Variants in TACR2 observed in about 807,000 individuals in gnomAD.
TACR2 encodes substance-K receptor.
TACR2 carries 24 observed loss-of-function variants against 28.9 expected under a neutral mutation model. The observed-to-expected ratio is 0.83, with a 90% confidence interval of 0.60 to 1.17. The LOEUF (loss-of-function observed/expected upper bound fraction) is 1.17. Among genes scored for constraint, TACR2 ranks in the 50% most tolerant of loss-of-function variants. The pLI, the probability that TACR2 is intolerant of heterozygous loss-of-function variation, is 0.00. For synonymous variants in TACR2, 222 were observed against 212.6 expected (o/e 1.04, Z -0.38); for missense variants, 487 against 524.4 (o/e 0.93, Z 0.70).
At position 69,416,577 on chromosome 10, in the gene TACR2, A is replaced by G. The variant is rs201771113; in HGVS notation, c.-254T>C. The G allele has an allele frequency of 1.8e-5, 8 of 437,906 alleles. No individual in the cohort carries two copies. The highest frequency in any genetic ancestry group is 1.2e-3 in the Middle Eastern group (2 of 1,720). 27.1% of individuals were successfully genotyped at this position (437,906 alleles called of 1,614,324 possible). A position where few individuals can be genotyped will look rare whatever the true frequency, so the allele number is the denominator to read the frequency against. Reference sequence around the variant, plus strand: ...CTTCCGGCCAGACTTCTCGAATATCATGTGGAAACACAGAATTCAAATCAC... The same window carrying G: ...CTTCCGGCCAGACTTCTCGAATATCGTGTGGAAACACAGAATTCAAATCAC... On this transcript the variant is annotated 5_prime_UTR_variant, in exon 1 of 5. It removes an upstream start codon present in the reference 5' UTR. Transcript: ENST00000373306.
chr10:69,412,863 C>T (rs1840580680), intron 2 of TACR2, among the ~76,000 whole-genome samples: 1 of 152,180 alleles, frequency 6.6e-6, no homozygotes, highest in Non-Finnish European at 1.5e-5. Context: ...CGGAGTTTCA[C>T]TCTTGTCGCC....
rs757217354 is a variant in TACR2, at chr10:69,407,188, G to A, written c.834C>T (p.Asp278=). Reference sequence around the variant, plus strand: ...GCTGGATGAACTTGTGGCAGTAGATGTCCTCCTGGAAGCTGCCCAGGATGA... The same window carrying A: ...GCTGGATGAACTTGTGGCAGTAGATATCCTCCTGGAAGCTGCCCAGGATGA... ...LYFILGSFQE[D]IYCHKFIQQV... is the part of the protein sequence containing the mutation. The change falls in exon 4 of 5, where the codon GAC becomes GAT. Residue 278 remains aspartate, a synonymous_variant. Coordinates refer to ENST00000373306, the MANE Select transcript of TACR2 (RefSeq NM_001057.3). 1.2e-6 allele frequency: 2 copies of A among 1,614,014 alleles called. No individual in the cohort carries two copies. Among genetic ancestry groups the A allele is most frequent in the South Asian group, 2.2e-5 (2 of 91,072 alleles).
chr10:69,414,793 T>G (rs1840597454), intron 2 of TACR2, 152 bp downstream of exon 2: 1 of 771,446 alleles, frequency 1.3e-6, no homozygotes, highest in Non-Finnish European at 2.0e-6. Flanking sequence ...TATAGGTATA[T>G]TCACACAATC....
At position 69,415,931 on chromosome 10, in the gene TACR2, C is replaced by T. The variant is rs753197125; in HGVS notation, c.392+1G>A. Reference sequence around the variant, plus strand: ...CCCAGCTTCCCCAAGGACCCTCTTGCCTGTCGGCAGCAATGGCGGTCATGG... The same window carrying T: ...CCCAGCTTCCCCAAGGACCCTCTTGTCTGTCGGCAGCAATGGCGGTCATGG... On this transcript the variant is annotated splice_donor_variant, in intron 1 of 4. Transcript: ENST00000373306. LOFTEE classifies it high-confidence loss of function. 8.7e-6 allele frequency: 14 copies of T among 1,611,790 alleles called. No individual in the cohort carries two copies. Among genetic ancestry groups the T allele is most frequent in the Non-Finnish European group, 1.7e-6 (2 of 1,178,072 alleles).
chr10:69,414,381 C>A (rs1840594105), intron 2 of TACR2, among the ~76,000 whole-genome samples: 1 of 152,254 alleles, frequency 6.6e-6, no homozygotes. Flanking sequence ...AACACATCTA[C>A]AAATATGCCC....
intron 2 of TACR2, among the ~76,000 whole-genome samples, chr10:69,412,464 A>T (rs1840577573): frequency 6.6e-6 from 1 of 152,174 alleles, no homozygotes; most frequent in Admixed American, 6.5e-5. Flanking sequence ...CAGAGTGAGG[A>T]TCTACAGGGC....
chr10:69,409,556 A>G (rs1383030621), intron 2 of TACR2, among the ~76,000 whole-genome samples: 2 of 152,016 alleles, frequency 1.3e-5, no homozygotes, highest in African/African-American at 4.8e-5. Context: ...AACCCCTCCC[A>G]ACTGCGGATC....
At chr10:69,408,025 C>T (rs1455004300) in intron 3 of TACR2, among the ~76,000 whole-genome samples, 1 of 152,206 alleles carries the variant, frequency 6.6e-6, no homozygotes, top group African/African-American at 2.4e-5. Context: ...ATGGCTTTGA[C>T]CTGGCTACAT....
Position 69,415,069 on chromosome 10 carries a change from T to C in TACR2, c.463A>G (p.Ile155Val), listed in dbSNP as rs1474772545. ...GCCAGGGCGAGAGCCACCAGCCAGA[T>C]GCCAGCAATAACCGCCTTGGTGCTG... ...APSTKAVIAGIWLVALALASP... is the reference protein window; with the variant it reads ...APSTKAVIAGVWLVALALASP... The change falls in exon 2 of 5, where the codon ATC (isoleucine) becomes GTC (valine). Residue 155 changes from isoleucine (I) to valine (V), a missense_variant. By Grantham distance (29) the Ile-to-Val change is conservative. Coordinates refer to ENST00000373306, the MANE Select transcript of TACR2 (RefSeq NM_001057.3). The C allele has an allele frequency of 6.2e-6, 10 of 1,613,560 alleles. No homozygotes were observed. Among genetic ancestry groups the C allele is most frequent in the Non-Finnish European group, 8.5e-6 (10 of 1,180,000 alleles).
intron 1 of TACR2, 39 bp downstream of exon 1, chr10:69,415,893 T>C: frequency 6.3e-7 from 1 of 1,599,900 alleles, no homozygotes; most frequent in Non-Finnish European, 8.5e-7. Context: ...CCCGGCTCAG[T>C]GGGGAGGCTC....
chr10:69,415,715 G>A (rs1329194240), intron 1 of TACR2, among the ~76,000 whole-genome samples: 12 of 152,200 alleles, frequency 7.9e-5, no homozygotes, highest in Admixed American at 7.9e-4. Flanking sequence ...TGCATCTAGT[G>A]CAAAGTCCTT....
Position 69,416,367 on chromosome 10 carries a change from C to T in TACR2, c.-44G>A, listed in dbSNP as rs774564446. 1.3e-6 allele frequency: 2 copies of T among 1,535,618 alleles called. No individual in the cohort carries two copies. Among genetic ancestry groups the T allele is most frequent in the Admixed American group, 4.0e-5 (2 of 50,092 alleles). On this transcript the variant is annotated 5_prime_UTR_variant, in exon 1 of 5. Transcript: ENST00000373306. ...AACAAAGGACCTGGCTCCTCGGCTCCTCTCGGATTTGCTATGAAAGAGAAC... is the reference window on the plus strand; with the variant it reads ...AACAAAGGACCTGGCTCCTCGGCTCTTCTCGGATTTGCTATGAAAGAGAAC...
intron 2 of TACR2, among the ~76,000 whole-genome samples, chr10:69,409,717 T>A (rs1206490441): frequency 1.3e-5 from 2 of 151,816 alleles, no homozygotes; most frequent in Non-Finnish European, 2.9e-5. Flanking sequence ...TTAAACTTTA[T>A]CATAGGTATG....
At chr10:69,409,942 T>TAA (rs571897480) in intron 2 of TACR2, among the ~76,000 whole-genome samples, 1 of 100,996 alleles carries the variant, frequency 9.9e-6, no homozygotes, top group African/African-American at 3.9e-5. Context: ...TATATATATA[T>TAA]AATCTGTATC....
In TACR2 at chr10:69,407,840, A is replaced by G. The variant is rs1840517679; in HGVS notation, c.742-560T>C. 3.3e-5 allele frequency among the ~76,000 whole-genome samples: 5 copies of G among 152,130 alleles called. No individual in the cohort carries two copies. The South Asian group carries it at 1.0e-3, about 32-fold the overall frequency. On this transcript the variant is annotated intron_variant, in intron 3 of 4. Transcript: ENST00000373306. ...CTCCGTTTGGCAGCCCAGCATGCCA[A>G]TTACAAAAGGTCTGGGGGCTCCTGG...
intron 2 of TACR2, among the ~76,000 whole-genome samples, chr10:69,413,831 C>A (rs1840588316): frequency 6.6e-6 from 1 of 152,186 alleles, no homozygotes; most frequent in South Asian, 2.1e-4. Context: ...TTTCATGTGT[C>A]CCCTATTTAA....
Position 69,409,095 on chromosome 10 carries a change from C to T in TACR2, c.588-20G>A, listed in dbSNP as rs1484909084. On this transcript the variant is annotated intron_variant, in intron 2 of 4. Coordinates refer to ENST00000373306, the MANE Select transcript of TACR2 (RefSeq NM_001057.3). Reference sequence around the variant, plus strand: ...TGGTACCTGCAGGGAGAGCCGAGGCCTGGGCAGCGGAGGGCCCGGGGGCGA... The same window carrying T: ...TGGTACCTGCAGGGAGAGCCGAGGCTTGGGCAGCGGAGGGCCCGGGGGCGA... 2 of 1,568,480 alleles carry T rather than the reference C, an allele frequency of 1.3e-6. No homozygotes were observed.
At chr10:69,413,894 AG>A (rs1485650493) in intron 2 of TACR2, among the ~76,000 whole-genome samples, 1 of 152,230 alleles carries the variant, frequency 6.6e-6, no homozygotes, top group African/African-American at 2.4e-5. Flanking sequence ...TAAGGGCTTC[AG>A]GTACACTATC....
intron 2 of TACR2, 159 bp from the exon 3 acceptor site, chr10:69,409,234 G>A: frequency 2.9e-6 from 2 of 683,128 alleles, no homozygotes; most frequent in East Asian, 3.4e-5. Flanking sequence ...CAAAAATAAA[G>A]GTGGCATTGG....
Sources: allele counts gnomAD v4.1 joint callset (sites outside exome capture counted in the v4.1 genomes callset), GRCh38; gene constraint gnomAD v4.1.1; transcripts MANE v1.5; gene names NCBI Gene and HGNC (gene_info 2026-07-23, HGNC 2026-07-21).